Variants in GPC5 observed in about 807,000 individuals in gnomAD.
GPC5 encodes the protein glypican 5, also known as glypican-5.
GPC5 carries 47 observed loss-of-function variants against 53.9 expected under a neutral mutation model. The ratio of observed to expected loss-of-function variants is 0.87; its 90% CI spans 0.69 to 1.11. The LOEUF (loss-of-function observed/expected upper bound fraction) is 1.11. GPC5 is among the 50% of genes most tolerant of loss of function. GPC5 has a pLI of 0.00. For missense variants in GPC5, 748 were observed against 713.1 expected (o/e 1.05, Z -0.56); for synonymous variants, 286 against 263.3 (o/e 1.09, Z -0.84).
chr13:92,264,872 CTCTCTCTGTGTGTGTGTGTG>C (rs1175779529), intron 7 of GPC5, among the ~76,000 whole-genome samples: 80 of 117,478 alleles, frequency 6.8e-4, no homozygotes, highest in Non-Finnish European at 8.7e-4. Flanking sequence ...CTCTCTCTCT[CTCTCTCTGTGTGTGTGTGTG>C]TGTGTGTGTG....
At chr13:92,417,629 T>G (rs1362346437) in intron 7 of GPC5, among the ~76,000 whole-genome samples, 1 of 152,150 alleles carries the variant, frequency 6.6e-6, no homozygotes, top group Non-Finnish European at 1.5e-5. Context: ...TCCCAGCACT[T>G]TGGGAGGAAC....
chr13:92,581,059 T>C (rs1321959620), intron 7 of GPC5, among the ~76,000 whole-genome samples: 1 of 152,206 alleles, frequency 6.6e-6, no homozygotes, highest in East Asian at 1.9e-4. Context: ...CTCATATTCT[T>C]ATCTGTTTGT....
At chr13:92,425,320 A>T (rs1372370795) in intron 7 of GPC5, among the ~76,000 whole-genome samples, 1 of 152,082 alleles carries the variant, frequency 6.6e-6, no homozygotes, top group Non-Finnish European at 1.5e-5. Flanking sequence ...AGATGTAGTA[A>T]AAGTTTACCA....
chr13:92,007,703 T>C (rs1429821229), intron 6 of GPC5, among the ~76,000 whole-genome samples: 1 of 152,172 alleles, frequency 6.6e-6, no homozygotes, highest in Non-Finnish European at 1.5e-5. Context: ...ATTATTAATA[T>C]AGTTTGATTT....
At chr13:92,816,724 A>G (rs1338059215) in intron 7 of GPC5, among the ~76,000 whole-genome samples, 1 of 152,020 alleles carries the variant, frequency 6.6e-6, no homozygotes, top group Non-Finnish European at 1.5e-5. Flanking sequence ...CAGGGTACAT[A>G]GTGCTTCCAG....
At chr13:92,279,677 G>T (rs1444665826) in intron 7 of GPC5, among the ~76,000 whole-genome samples, 1 of 151,758 alleles carries the variant, frequency 6.6e-6, no homozygotes, top group Admixed American at 6.6e-5. Flanking sequence ...CTGCTGAGAT[G>T]GTCATGAGTT....
chr13:92,356,966 A>G (rs1315168085), intron 7 of GPC5, among the ~76,000 whole-genome samples: 3 of 152,114 alleles, frequency 2.0e-5, no homozygotes, highest in Non-Finnish European at 4.4e-5. Flanking sequence ...GAACATGTGG[A>G]ATTTGGTTTT....
intron 7 of GPC5, among the ~76,000 whole-genome samples, chr13:92,721,216 GA>G (rs1888500426): frequency 1.3e-5 from 2 of 152,064 alleles, no homozygotes; most frequent in African/African-American, 4.8e-5. Flanking sequence ...TGATGTCCCA[GA>G]AACTGTACAC....
At position 92,249,548 on chromosome 13, in the gene GPC5, G is replaced by A. The variant is rs187039707; in HGVS notation, c.1561+104559G>A. ...GAATTTATTTATGTGTGTTTATCCT[G>A]ATGTTTTCCTACTGTCACTTTTCTT... On this transcript the variant is annotated intron_variant, in intron 7 of 7. Transcript: ENST00000377067. Among the ~76,000 whole-genome samples, 22 of 152,106 alleles carry A rather than the reference G, an allele frequency of 1.4e-4. 1 individual carries two copies. Among genetic ancestry groups the A allele is most frequent in the Admixed American group, 7.2e-4 (11 of 15,242 alleles).
At chr13:92,036,287 A>G (rs981493170) in intron 6 of GPC5, among the ~76,000 whole-genome samples, 9 of 152,240 alleles carry the variant, frequency 5.9e-5, no homozygotes, top group African/African-American at 2.2e-4. Context: ...AATTGGATGC[A>G]AAATAAATGA....
rs577469437 is a variant in GPC5 at position 91,689,066 on chromosome 13, G to A, written c.326-4121G>A. On this transcript the variant is annotated intron_variant, in intron 2 of 7. Transcript: ENST00000377067. ...ACCTGTAGTCCCAGCTACTTGGGAA[G>A]TTGAGGCAGGAGGGTTGCTTTGAGC... 4.0e-5 allele frequency among the ~76,000 whole-genome samples: 6 copies of A among 151,080 alleles called. No homozygotes were observed. In the East Asian group the frequency reaches 7.8e-4, roughly 20 times the overall value.
chr13:91,735,386 A>T (rs560917165), intron 4 of GPC5, among the ~76,000 whole-genome samples: 30 of 151,132 alleles, frequency 2.0e-4, no homozygotes, highest in Admixed American at 1.8e-3. Context: ...TTCTAAGTTC[A>T]TGTAATTATA....
At position 91,805,298 on chromosome 13, in the gene GPC5, G is replaced by A. The variant is rs764396468; in HGVS notation, c.1280+48878G>A. Among the ~76,000 whole-genome samples the A allele has an allele frequency of 1.6e-4, 24 of 152,176 alleles. 1 individual carries two copies. The highest frequency in any genetic ancestry group is 8.5e-4 in the Admixed American group (13 of 15,280). On this transcript the variant is annotated intron_variant, in intron 5 of 7. Coordinates refer to ENST00000377067, the MANE Select transcript of GPC5 (RefSeq NM_004466.6). ...AATGAGAGGTGGGGAGACATGTTGC[G>A]TGTAAAAATATGGCTAAAGAAGCTT...
chr13:92,668,753 T>G (rs61975937), intron 7 of GPC5, among the ~76,000 whole-genome samples: 33,479 of 151,942 alleles, frequency 0.22, 4,306 homozygotes, highest in South Asian at 0.36. Flanking sequence ...TATATAGTTG[T>G]ATTTTTTACA....
chr13:91,633,071 A>T (rs1190071977), intron 2 of GPC5, among the ~76,000 whole-genome samples: 5 of 152,310 alleles, frequency 3.3e-5, no homozygotes, highest in African/African-American at 9.6e-5. Context: ...GAAAACAAAG[A>T]TGCTACAAAT....
chr13:92,087,532 A>G (rs2041345228), intron 6 of GPC5, among the ~76,000 whole-genome samples: 1 of 152,208 alleles, frequency 6.6e-6, no homozygotes. Flanking sequence ...TGTTTTCAGG[A>G]AATGACATAT....
chr13:92,453,880 G>A (rs1330447904), intron 7 of GPC5, among the ~76,000 whole-genome samples: 1 of 152,032 alleles, frequency 6.6e-6, no homozygotes, highest in African/African-American at 2.4e-5. Flanking sequence ...GCAAGGGCAG[G>A]GCATGTTATT....
At chr13:92,349,544 A>C (rs1216584364) in intron 7 of GPC5, among the ~76,000 whole-genome samples, 1 of 151,972 alleles carries the variant, frequency 6.6e-6, no homozygotes, top group Non-Finnish European at 1.5e-5. Context: ...TCAAGTAAAT[A>C]AAATCTGAGG....
At chr13:92,734,276 G>C (rs376849809) in intron 7 of GPC5, among the ~76,000 whole-genome samples, 1 of 151,764 alleles carries the variant, frequency 6.6e-6, no homozygotes, top group South Asian at 2.1e-4. Flanking sequence ...TCATTCCTGC[G>C]TTAGCCCTGG....
Sources: gnomAD v4.1 joint callset for allele counts (sites outside exome capture counted in the v4.1 genomes callset) on GRCh38, gnomAD v4.1.1 for gene constraint, MANE v1.5 for transcripts, NCBI Gene and HGNC (gene_info 2026-07-23, HGNC 2026-07-21) for gene names.